HIKESHI: variants seen among roughly 807,000 people sequenced by gnomAD.
HIKESHI encodes protein Hikeshi.
HIKESHI carries 13 observed loss-of-function variants against 25.7 expected under a neutral mutation model. That is an observed-to-expected ratio of 0.51 (90% CI 0.33 to 0.80). HIKESHI has a LOEUF of 0.80. HIKESHI is among the 30% of genes least tolerant of loss of function. The pLI, the probability that HIKESHI is intolerant of heterozygous loss-of-function variation, is 0.02. For synonymous variants in HIKESHI, 76 were observed against 78.7 expected (o/e 0.97, Z 0.18); for missense variants, 174 against 229.5 (o/e 0.76, Z 1.56).
intron 2 of HIKESHI, among the ~76,000 whole-genome samples, chr11:86,314,310 G>A: frequency 6.6e-6 from 1 of 151,984 alleles, no homozygotes; most frequent in East Asian, 1.9e-4. Context: ...TTATATAGTT[G>A]GTATTCTACA....
intron 2 of HIKESHI, among the ~76,000 whole-genome samples, chr11:86,327,317 T>C (rs1947307693): frequency 6.6e-6 from 1 of 151,900 alleles, no homozygotes; most frequent in African/African-American, 2.4e-5. Context: ...GGTTTTCCTT[T>C]TTTTTTTTCT....
intron 2 of HIKESHI, among the ~76,000 whole-genome samples, chr11:86,331,209 G>T (rs539647143): frequency 6.6e-6 from 1 of 152,154 alleles, no homozygotes; most frequent in Non-Finnish European, 1.5e-5. Flanking sequence ...CCCAGATAGG[G>T]CCAGGTGCAG....
chr11:86,339,382 A>G (rs1947660284), intron 3 of HIKESHI, among the ~76,000 whole-genome samples: 1 of 152,200 alleles, frequency 6.6e-6, no homozygotes, highest in Admixed American at 6.5e-5. Flanking sequence ...ATAGATACAA[A>G]TAGGTCCACA....
chr11:86,324,201 C>T (rs1947217265), intron 2 of HIKESHI: 1 of 152,194 alleles, frequency 6.6e-6, no homozygotes, highest in Non-Finnish European at 1.5e-5. Context: ...TTAGTGTGGA[C>T]ACCCAACCAG....
rs1188389570 is a variant in HIKESHI, at chr11:86,316,694, A to G, written c.268+10212A>G. Among the ~76,000 whole-genome samples the G allele has an allele frequency of 4.6e-5, 7 of 151,480 alleles. No individual in the cohort carries two copies. The South Asian group carries it at 8.3e-4, about 18-fold the overall frequency. ...ACTTACCAGAGAAAACAGAGATTCCAGAATGAGATTTTTTTATTTAAAGGC... is the reference window on the plus strand; with the variant it reads ...ACTTACCAGAGAAAACAGAGATTCCGGAATGAGATTTTTTTATTTAAAGGC... On this transcript the variant is annotated intron_variant, in intron 2 of 4. Coordinates refer to ENST00000278483, the MANE Select transcript of HIKESHI (RefSeq NM_016401.4).
rs532156645 is a variant in HIKESHI at position 86,318,783 on chromosome 11, A to G, written c.268+12301A>G. On this transcript the variant is annotated intron_variant, in intron 2 of 4. Coordinates refer to ENST00000278483, the MANE Select transcript of HIKESHI (RefSeq NM_016401.4). ...ACAATGTTATTTTATTTAGATGCCC[A>G]TGTACTTCTCCCTTTTCATATTATT... Among the ~76,000 whole-genome samples the G allele has an allele frequency of 2.0e-5, 3 of 152,332 alleles. No individual in the cohort carries two copies. In the South Asian group the frequency reaches 6.2e-4, roughly 32 times the overall value.
chr11:86,334,236 A>ATGTGTGTG (rs60951435), intron 2 of HIKESHI, among the ~76,000 whole-genome samples: 2,344 of 147,090 alleles, frequency 0.016, 23 homozygotes, highest in South Asian at 0.046. Context: ...TTTGTAAAAT[A>ATGTGTGTG]TGTGTGTGTG....
At chr11:86,336,799 G>A (rs1299326663) in intron 2 of HIKESHI, among the ~76,000 whole-genome samples, 1 of 152,092 alleles carries the variant, frequency 6.6e-6, no homozygotes, top group Non-Finnish European at 1.5e-5. Context: ...ACTGTCAAAA[G>A]GTAAAGAGAG....
At chr11:86,324,424 A>C (rs1284704025) in intron 2 of HIKESHI, 1 of 152,248 alleles carries the variant, frequency 6.6e-6, no homozygotes, top group African/African-American at 2.4e-5. Context: ...GGTAAAGCAG[A>C]ATGTTTTATT....
chr11:86,335,683 C>CTACTAACT (rs1467997650), intron 2 of HIKESHI, among the ~76,000 whole-genome samples: 1 of 152,156 alleles, frequency 6.6e-6, no homozygotes, highest in East Asian at 1.9e-4. Context: ...CACTAGCAGA[C>CTACTAACT]TACTAACTAA....
chr11:86,319,217 A>AATATATATATATATATAT (rs139667221), intron 2 of HIKESHI, among the ~76,000 whole-genome samples: 1 of 115,072 alleles, frequency 8.7e-6, no homozygotes, highest in African/African-American at 3.5e-5. Flanking sequence ...CTGGCTTAAA[A>AATATATATATATATATAT]ATATATATAT....
chr11:86,302,976 C>T (rs1475783046), intron 1 of HIKESHI, among the ~76,000 whole-genome samples: 1 of 152,070 alleles, frequency 6.6e-6, no homozygotes, highest in Non-Finnish European at 1.5e-5. Flanking sequence ...CTTTTGGGTC[C>T]CTTTGGAAGA....
At chr11:86,311,513 C>T (rs1291243011) in intron 2 of HIKESHI, among the ~76,000 whole-genome samples, 5 of 152,106 alleles carry the variant, frequency 3.3e-5, no homozygotes. Flanking sequence ...AAAACCAGCT[C>T]CTGGATTCAT....
intron 2 of HIKESHI, among the ~76,000 whole-genome samples, chr11:86,317,451 G>T (rs1480909348): frequency 6.6e-6 from 1 of 152,086 alleles, no homozygotes; most frequent in Non-Finnish European, 1.5e-5. Flanking sequence ...CAATAGAGAG[G>T]CTCAATGAAA....
chr11:86,322,275 C>T (rs867415149), intron 2 of HIKESHI, among the ~76,000 whole-genome samples: 2 of 152,284 alleles, frequency 1.3e-5, no homozygotes, highest in Non-Finnish European at 1.5e-5. Context: ...GTGTGAGCCA[C>T]CATGCCCGGC....
chr11:86,337,225 G>A (rs767700521), intron 2 of HIKESHI, among the ~76,000 whole-genome samples, 154 bp from the exon 3 acceptor site: 4 of 152,146 alleles, frequency 2.6e-5, no homozygotes, highest in South Asian at 2.1e-4. Context: ...TGCTAAAAAC[G>A]AAGTAGGCTT....
At chr11:86,337,135 C>G (rs1947586656) in intron 2 of HIKESHI, among the ~76,000 whole-genome samples, 1 of 152,090 alleles carries the variant, frequency 6.6e-6, no homozygotes, top group South Asian at 2.1e-4. Context: ...TGTCTAGTTG[C>G]AGTAGTTTCA....
At chr11:86,302,534 C>G (rs553828994) in intron 1 of HIKESHI, 56 bp downstream of exon 1, 2 of 1,535,110 alleles carry the variant, frequency 1.3e-6, no homozygotes, top group Admixed American at 2.0e-5. Flanking sequence ...GGGCGAAGCC[C>G]TACGGCAGGG....
intron 2 of HIKESHI, among the ~76,000 whole-genome samples, chr11:86,307,351 T>C (rs990918715): frequency 4.7e-4 from 43 of 90,848 alleles, no homozygotes; most frequent in East Asian, 1.4e-3. Flanking sequence ...ATATATCAAA[T>C]ATATATTATG....
Sources: gnomAD v4.1 joint callset for allele counts (sites outside exome capture counted in the v4.1 genomes callset) on GRCh38, gnomAD v4.1.1 for gene constraint, MANE v1.5 for transcripts, NCBI Gene and HGNC (gene_info 2026-07-23, HGNC 2026-07-21) for gene names.